IL18RAP: variants seen among roughly 807,000 people sequenced by gnomAD.
IL18RAP encodes interleukin-18 receptor accessory protein.
A neutral mutation model predicts 58.1 loss-of-function variants in IL18RAP; 37 were observed. The ratio of observed to expected loss-of-function variants is 0.64; its 90% CI spans 0.49 to 0.84. The LOEUF (loss-of-function observed/expected upper bound fraction) is 0.84. Among genes scored for constraint, IL18RAP ranks in the 40% least tolerant of loss-of-function variants. The probability of loss-of-function intolerance (pLI) is 0.00; values close to 1 mark genes in which losing one functional copy is unlikely to be tolerated. For missense variants in IL18RAP, 667 were observed against 704.8 expected (o/e 0.95, Z 0.61); for synonymous variants, 268 against 257.5 (o/e 1.04, Z -0.39).
intron 3 of IL18RAP, among the ~76,000 whole-genome samples, chr2:102,432,883 T>TA: frequency 6.6e-6 from 1 of 152,232 alleles, no homozygotes; most frequent in East Asian, 1.9e-4. Flanking sequence ...TTCTAATTTC[T>TA]AAAAATGTAA....
chr2:102,447,614 A>C (rs527847618), intron 8 of IL18RAP, among the ~76,000 whole-genome samples: 20 of 152,114 alleles, frequency 1.3e-4, no homozygotes, highest in Admixed American at 2.6e-4. Context: ...TTGTTTCCTC[A>C]TCTATAAAAC....
At chr2:102,443,108 G>T in intron 5 of IL18RAP, 92 bp from the exon 6 acceptor site, 1 of 1,269,420 alleles carries the variant, frequency 7.9e-7, no homozygotes, top group Non-Finnish European at 1.1e-6. Flanking sequence ...ATTGCATCAG[G>T]AGACAGCTTC....
chr2:102,448,075 C>A (rs2104383635), intron 8 of IL18RAP, among the ~76,000 whole-genome samples: 1 of 152,306 alleles, frequency 6.6e-6, no homozygotes, highest in African/African-American at 2.4e-5. Flanking sequence ...CGGTAAATAG[C>A]TCAGCATGTG....
At chr2:102,447,588 G>A (rs2104381913) in intron 8 of IL18RAP, among the ~76,000 whole-genome samples, 1 of 152,230 alleles carries the variant, frequency 6.6e-6, no homozygotes, top group African/African-American at 2.4e-5. Flanking sequence ...GCAAATGAGT[G>A]AATATCTCTG....
chr2:102,437,745 G>T lies in IL18RAP; in HGVS notation c.730+383G>T, dbSNP rs747489955. Among the ~76,000 whole-genome samples the T allele has an allele frequency of 2.0e-5, 3 of 151,982 alleles. No individual in the cohort carries two copies. In the South Asian group the frequency reaches 6.2e-4, roughly 32 times the overall value. ...TTTTTCTTTAAAGTAACAAAATATT[G>T]CAAAGACAACTTGAGGTCTATGACC... On this transcript the variant is annotated intron_variant, in intron 4 of 9. Coordinates refer to ENST00000687160, the MANE Select transcript of IL18RAP (RefSeq NM_001393487.1).
At position 102,423,302 on chromosome 2, in the gene IL18RAP, C is replaced by A; in HGVS notation, c.25C>A (p.Leu9Ile). Residue 9 changes from leucine to isoleucine, a missense_variant, in exon 1 of 10, where the codon CTT (leucine) becomes ATT (isoleucine). Coordinates refer to ENST00000687160, the MANE Select transcript of IL18RAP (RefSeq NM_001393487.1). MLCLGWIF[L>I]WLVAGERIKG... Reference sequence around the variant, plus strand: ...AATGCTCTGTTTGGGCTGGATATTTCTTTGGCTTGTTGCAGGAGAGCGAAT... The same window carrying A: ...AATGCTCTGTTTGGGCTGGATATTTATTTGGCTTGTTGCAGGAGAGCGAAT... 6.2e-7 allele frequency: 1 copy of A among 1,614,088 alleles called. No individual in the cohort carries two copies. Among genetic ancestry groups the A allele is most frequent in the Non-Finnish European group, 8.5e-7 (1 of 1,179,974 alleles).
chr2:102,451,391 G>A (rs1683756693), intron 9 of IL18RAP, among the ~76,000 whole-genome samples: 2 of 152,202 alleles, frequency 1.3e-5, no homozygotes, highest in South Asian at 4.1e-4. Flanking sequence ...AGGCTTCTCA[G>A]GCCTGGGCCA....
At chr2:102,437,464 G>A (rs1682825856) in intron 4 of IL18RAP, 102 bp downstream of exon 4, 1 of 1,144,152 alleles carries the variant, frequency 8.7e-7, no homozygotes. Flanking sequence ...GAAAAGGATA[G>A]TCATATACTT....
chr2:102,444,507 C>G (rs1433451171), intron 6 of IL18RAP, among the ~76,000 whole-genome samples: 1 of 152,190 alleles, frequency 6.6e-6, no homozygotes, highest in African/African-American at 2.4e-5. Flanking sequence ...AGGTAGGAAG[C>G]ACTCAGTGAA....
At chr2:102,448,657 T>C (rs1683576492) in intron 8 of IL18RAP, among the ~76,000 whole-genome samples, 1 of 151,596 alleles carries the variant, frequency 6.6e-6, no homozygotes, top group South Asian at 2.1e-4. Flanking sequence ...GAAGAAAGGG[T>C]GAATAAAGAC....
At position 102,442,761 on chromosome 2, in the gene IL18RAP, C is replaced by G; in HGVS notation, c.797-439C>G. Among the ~76,000 whole-genome samples the G allele has an allele frequency of 1.3e-5, 2 of 152,110 alleles. 1 individual carries two copies. Among genetic ancestry groups the G allele is most frequent in the African/African-American group, 4.8e-5 (2 of 41,490 alleles). ...ATCGAAATAATTTTTTTATTTAAACCACGTGCTACAATAACTTTATGATTT... is the reference window on the plus strand; with the variant it reads ...ATCGAAATAATTTTTTTATTTAAACGACGTGCTACAATAACTTTATGATTT... On this transcript the variant is annotated intron_variant, in intron 5 of 9. Coordinates refer to ENST00000687160, the MANE Select transcript of IL18RAP (RefSeq NM_001393487.1).
chr2:102,423,436 A>C, intron 1 of IL18RAP, 89 bp downstream of exon 1: 1 of 1,095,926 alleles, frequency 9.1e-7, no homozygotes, highest in Non-Finnish European at 1.4e-6. Context: ...AGTGTGATAT[A>C]TTAATACAAA....
intron 3 of IL18RAP, among the ~76,000 whole-genome samples, chr2:102,436,819 G>GTATATATATA (rs751056931): frequency 0.013 from 1,897 of 149,894 alleles, 35 homozygotes; most frequent in African/African-American, 0.038. Context: ...GTGTGTGTGT[G>GTATATATATA]TATATATATA....
At position 102,450,842 on chromosome 2, in the gene IL18RAP, C is replaced by A; in HGVS notation, c.1211-6C>A. On this transcript the variant is annotated splice_region_variant and splice_polypyrimidine_tract_variant and intron_variant, in intron 8 of 9. Coordinates refer to ENST00000687160, the MANE Select transcript of IL18RAP (RefSeq NM_001393487.1). ...TTATGTTTTTATAAATTTTCCTATT[C>A]TTCAGATAAAAAGGATTTTGATGCT... 6.4e-7 allele frequency: 1 copy of A among 1,565,590 alleles called. No homozygotes were observed. The highest frequency in any genetic ancestry group is 2.0e-5 in the Admixed American group (1 of 50,626).
rs750300218 is a variant in IL18RAP, at chr2:102,437,310, G to A, written c.678G>A (p.Ser226=). 96 of 1,613,428 alleles carry A rather than the reference G, an allele frequency of 6.0e-5. No individual in the cohort carries two copies. The highest frequency in any genetic ancestry group is 4.8e-4 in the South Asian group (44 of 90,936). Residue 226 remains serine (S), a synonymous_variant, in exon 4 of 10, where the codon TCG becomes TCA. Coordinates refer to ENST00000687160, the MANE Select transcript of IL18RAP (RefSeq NM_001393487.1). ...CATATGTATGTGATTACACTCAGTC[G>A]GATACTGTGAGTTCGTGGACAGTCA... ...QGTYVCDYTQ[S]DTVSSWTVRA... is the part of the protein sequence containing the mutation.
intron 3 of IL18RAP, among the ~76,000 whole-genome samples, chr2:102,432,946 CATGTA>C (rs1222563525): frequency 6.6e-6 from 1 of 152,094 alleles, no homozygotes; most frequent in Non-Finnish European, 1.5e-5. Context: ...ATAATAGTTA[CATGTA>C]ATGTAACGGC....
rs1682493996 is a variant in IL18RAP, at chr2:102,433,083, TG to T, written c.580-4128del. On this transcript the variant is annotated intron_variant, in intron 3 of 9. Transcript: ENST00000687160. Reference sequence around the variant, plus strand: ...GATATGAGTTTTGACGACATTGCTGTGACCTCCTGTTAGTAGGACTTGCACC... The same window carrying T: ...GATATGAGTTTTGACGACATTGCTGTACCTCCTGTTAGTAGGACTTGCACC... Among the ~76,000 whole-genome samples the T allele has an allele frequency of 1.3e-5, 2 of 152,160 alleles. 1 individual carries two copies. Among genetic ancestry groups the T allele is most frequent in the South Asian group, 4.1e-4 (2 of 4,822 alleles).
chr2:102,418,767 C>T (rs920779102), upstream of IL18RAP: 7 of 152,264 alleles, frequency 4.6e-5, no homozygotes, highest in South Asian at 2.1e-4. Flanking sequence ...GCTGGTGTAA[C>T]GTGGCTATTG....
rs774930936 is a variant in IL18RAP at position 102,424,428 on chromosome 2, C to A, written c.579+14C>A. ...ACCTGGTACAAGGTAAGAGTGAATT[C>A]TCTAAAATTAATATAAGAGCATTGT... On this transcript the variant is annotated intron_variant, in intron 3 of 9. Coordinates refer to ENST00000687160, the MANE Select transcript of IL18RAP (RefSeq NM_001393487.1). The A allele has an allele frequency of 1.2e-6, 2 of 1,602,980 alleles. No homozygotes were observed. Among genetic ancestry groups the A allele is most frequent in the Admixed American group, 1.7e-5 (1 of 58,342 alleles).
Sources: gnomAD v4.1 joint callset for allele counts (sites outside exome capture counted in the v4.1 genomes callset) on GRCh38, gnomAD v4.1.1 for gene constraint, MANE v1.5 for transcripts, NCBI Gene and HGNC (gene_info 2026-07-23, HGNC 2026-07-21) for gene names.